The following ABCA1 variants were observed in gnomAD, a reference collection of about 807,000 sequenced individuals.
ABCA1 encodes the protein ATP binding cassette subfamily A member 1.
Under a neutral mutation model 262.5 loss-of-function variants are expected in ABCA1, and 133 were observed. The ratio of observed to expected loss-of-function variants is 0.51; its 90% CI spans 0.44 to 0.59. The LOEUF is 0.59. Among genes scored for constraint, ABCA1 ranks in the 20% least tolerant of loss-of-function variants. The pLI is 0.00. For missense variants in ABCA1, 2,452 were observed against 2,777.5 expected, an observed-to-expected ratio of 0.88 and a Z score of 2.63; for synonymous variants, 1,022 against 1,043.5, an observed-to-expected ratio of 0.98 and a Z score of 0.40.
At position 104,840,355 on chromosome 9, in the gene ABCA1, C is replaced by G; in HGVS notation, c.978G>C (p.Glu326Asp). 6.2e-7 allele frequency: 1 copy of G among 1,614,182 alleles called. No homozygotes were observed. The change falls in exon 9 of 50, where the codon GAG becomes GAC. Residue 326 changes from glutamate to aspartate, a missense_variant. Physicochemically the swap from Glu to Asp is conservative, Grantham distance 45. Transcript: ENST00000374736. The part of the protein sequence containing the change: ...GLKIKSLNWY[E>D]DNNYKALFGG... Reference sequence around the variant, plus strand: ...CAAAGAGGGCTTTGTAGTTGTTGTCCTCATACCAGTTGAGAGACTTGATCT... The same window carrying G: ...CAAAGAGGGCTTTGTAGTTGTTGTCGTCATACCAGTTGAGAGACTTGATCT...
chr9:104,860,662 G>A (rs1836288278), intron 6 of ABCA1, among the ~76,000 whole-genome samples: 1 of 151,858 alleles, frequency 6.6e-6, no homozygotes, highest in South Asian at 2.1e-4. Context: ...CTGCACAAGA[G>A]CTGTCTAATA....
rs554436958 is a variant in ABCA1 at position 104,816,939 on chromosome 9, G to A, written c.3535+393C>T. Among the ~76,000 whole-genome samples the A allele has an allele frequency of 1.1e-3, 170 of 152,100 alleles. 1 individual carries two copies. The highest frequency in any genetic ancestry group is 3.8e-3 in the African/African-American group (159 of 41,500). The stretch of plus-strand genomic sequence containing the variant: ...CTGGTGACACTGGCCTCCTACACAC[G>A]CTACCCAAGAAAAATCTGGAAGGCT... On this transcript the variant is annotated intron_variant, in intron 24 of 49. Transcript: ENST00000374736.
chr9:104,818,482 G>A (rs1831979597), intron 23 of ABCA1, among the ~76,000 whole-genome samples, 181 bp downstream of exon 23: 1 of 152,172 alleles, frequency 6.6e-6, no homozygotes, highest in African/African-American at 2.4e-5. Context: ...CTAGCACAAT[G>A]GGAGCAGAGG....
chr9:104,856,280 C>T (rs1283277554), intron 7 of ABCA1, among the ~76,000 whole-genome samples: 1 of 152,176 alleles, frequency 6.6e-6, no homozygotes, highest in Non-Finnish European at 1.5e-5. Context: ...CAAAACAATC[C>T]TGATCACTCA....
intron 9 of ABCA1, among the ~76,000 whole-genome samples, chr9:104,839,639 G>C (rs988414854): frequency 1.4e-5 from 2 of 147,088 alleles, no homozygotes; most frequent in South Asian, 4.3e-4. Flanking sequence ...TGCTTTTCTA[G>C]CTTTTTTGAG....
chr9:104,832,512 T>C lies in ABCA1; in HGVS notation c.1509+62A>G. The C allele has an allele frequency of 3.2e-6, 5 of 1,567,962 alleles. No individual in the cohort carries two copies. The South Asian group carries it at 5.6e-5, about 17-fold the overall frequency. ...AACTTGCCTCCTGCCTGAACCTTAT[T>C]GTAACGTCTCAGAGAAAGAAGCCGT... On this transcript the variant is annotated intron_variant, in intron 12 of 49. Transcript: ENST00000374736.
chr9:104,877,784 G>A (rs1838280269), intron 5 of ABCA1, among the ~76,000 whole-genome samples: 1 of 152,196 alleles, frequency 6.6e-6, no homozygotes, highest in Admixed American at 6.5e-5. Flanking sequence ...CACTTCATGA[G>A]GGATGCAGCA....
intron 1 of ABCA1, among the ~76,000 whole-genome samples, chr9:104,923,972 G>A (rs1401864607): frequency 2.6e-5 from 4 of 152,214 alleles, no homozygotes; most frequent in Non-Finnish European, 5.9e-5. Context: ...AGCGCAGGAG[G>A]CTGAGGTTGC....
intron 16 of ABCA1, 132 bp from the exon 17 acceptor site, chr9:104,826,019 T>C (rs2118988602): frequency 1.1e-6 from 1 of 899,018 alleles, no homozygotes; most frequent in East Asian, 2.6e-5. Context: ...GAAGTAGTAT[T>C]TACCTATAGA....
intron 1 of ABCA1, among the ~76,000 whole-genome samples, chr9:104,906,487 G>C (rs568925858): frequency 6.6e-6 from 1 of 152,214 alleles, no homozygotes; most frequent in South Asian, 2.1e-4. Context: ...AAGTAGCATA[G>C]AGCCACAGTA....
At position 104,914,079 on chromosome 9, in the gene ABCA1, G is replaced by A. The variant is rs191113670; in HGVS notation, c.-92-10308C>T. Among the ~76,000 whole-genome samples, 393 of 151,938 alleles carry A rather than the reference G, an allele frequency of 2.6e-3. 5 individuals are homozygous for A. Among genetic ancestry groups the A allele is most frequent in the African/African-American group, 9.0e-3 (375 of 41,488 alleles). ...CTCCCAAAGTGCTGGGATTACAGGC[G>A]TGAGCCACCGCACCCGGCCCCCTAC... On this transcript the variant is annotated intron_variant, in intron 1 of 49. Transcript: ENST00000374736.
At chr9:104,847,483 T>G (rs996235856) in intron 7 of ABCA1, among the ~76,000 whole-genome samples, 5 of 152,236 alleles carry the variant, frequency 3.3e-5, no homozygotes, top group Admixed American at 2.6e-4. Context: ...TGCCTTTTTC[T>G]TCCCTTGCAT....
At chr9:104,881,117 C>G (rs1195421842) in intron 5 of ABCA1, among the ~76,000 whole-genome samples, 1 of 152,042 alleles carries the variant, frequency 6.6e-6, no homozygotes, top group African/African-American at 2.4e-5. Context: ...CCACTGCACT[C>G]CAGCCTGGTG....
At chr9:104,861,609 A>G (rs1382502679) in intron 6 of ABCA1, 70 bp downstream of exon 6, 1 of 1,601,224 alleles carries the variant, frequency 6.2e-7, no homozygotes, top group African/African-American at 1.3e-5. Context: ...GGGTTTATTC[A>G]TTTCTTTCCA....
intron 2 of ABCA1, among the ~76,000 whole-genome samples, chr9:104,902,112 T>C (rs139953513): frequency 6.6e-6 from 1 of 152,312 alleles, no homozygotes; most frequent in Admixed American, 6.5e-5. Context: ...CAAAGGAAGA[T>C]CTGTATACAT....
At chr9:104,925,375 C>CAA (rs576630245) in intron 1 of ABCA1, among the ~76,000 whole-genome samples, 12 of 123,246 alleles carry the variant, frequency 9.7e-5, no homozygotes, top group African/African-American at 3.3e-4. Context: ...GACTGCATCT[C>CAA]AAAAAAAAAA....
At chr9:104,916,376 A>C (rs1180927724) in intron 1 of ABCA1, among the ~76,000 whole-genome samples, 2 of 152,216 alleles carry the variant, frequency 1.3e-5, no homozygotes, top group Non-Finnish European at 2.9e-5. Flanking sequence ...GAAACAAAAA[A>C]TTCCAGTTGA....
chr9:104,809,145 A>G (rs549330714), intron 30 of ABCA1, among the ~76,000 whole-genome samples: 34 of 152,240 alleles, frequency 2.2e-4, no homozygotes, highest in Non-Finnish European at 4.1e-4. Flanking sequence ...ACTTAAGTAC[A>G]GGGGCTGGGA....
intron 22 of ABCA1, among the ~76,000 whole-genome samples, 198 bp downstream of exon 22, chr9:104,819,388 T>C (rs1832066262): frequency 1.3e-5 from 2 of 152,164 alleles, no homozygotes; most frequent in African/African-American, 2.4e-5. Context: ...TAGTGCACCA[T>C]GTTGGGGACA....
Sources: gnomAD v4.1 joint callset for allele counts (sites outside exome capture counted in the v4.1 genomes callset) on GRCh38, gnomAD v4.1.1 for gene constraint, MANE v1.5 for transcripts, NCBI Gene and HGNC (gene_info 2026-07-23, HGNC 2026-07-21) for gene names.